The following LPAR1 variants were observed in gnomAD, a reference collection of about 807,000 sequenced individuals.
LPAR1 encodes LPA receptor 1.
LPAR1 carries 5 observed loss-of-function variants against 23.8 expected under a neutral mutation model. The observed-to-expected ratio is 0.21, with a 90% CI of 0.11 to 0.44. The LOEUF is 0.44. Ranked by LOEUF, LPAR1 falls within the 20% of genes least tolerant of loss-of-function variation. The pLI, the probability that LPAR1 is intolerant of heterozygous loss-of-function variation, is 0.99. For synonymous variants in LPAR1, 160 were observed against 164.7 expected (o/e 0.97, Z 0.22); for missense variants, 311 against 482.8 (o/e 0.64, Z 3.33).
intron 2 of LPAR1, among the ~76,000 whole-genome samples, chr9:111,018,997 A>G (rs1016322647): frequency 2.6e-5 from 4 of 152,246 alleles, no homozygotes; most frequent in African/African-American, 9.6e-5. Flanking sequence ...AGTAGAAATA[A>G]AAACACACAT....
chr9:110,999,518 A>C (rs2097089864), intron 2 of LPAR1: 1 of 442,154 alleles, frequency 2.3e-6, no homozygotes, highest in Non-Finnish European at 4.5e-6. Context: ...GCTGCTATGA[A>C]AGCTACCACA....
intron 5 of LPAR1, among the ~76,000 whole-genome samples, chr9:110,934,222 C>T (rs2094554921): frequency 6.6e-6 from 1 of 152,192 alleles, no homozygotes; most frequent in Non-Finnish European, 1.5e-5. Flanking sequence ...GAATAAGAGA[C>T]TCTGTGTCCA....
intron 2 of LPAR1, among the ~76,000 whole-genome samples, chr9:111,018,373 G>C (rs1320766965): frequency 6.6e-6 from 1 of 152,096 alleles, no homozygotes; most frequent in Non-Finnish European, 1.5e-5. Context: ...GCCTTTTAAG[G>C]CAACAAATTA....
chr9:111,002,907 G>A (rs1464318848), intron 2 of LPAR1, among the ~76,000 whole-genome samples: 1 of 152,128 alleles, frequency 6.6e-6, no homozygotes, highest in Non-Finnish European at 1.5e-5. Context: ...GTGGGCCTGA[G>A]GCAGGAGAAT....
intron 5 of LPAR1, among the ~76,000 whole-genome samples, chr9:110,889,754 C>T (rs1201840084): frequency 2.0e-5 from 3 of 152,196 alleles, no homozygotes; most frequent in African/African-American, 7.2e-5. Flanking sequence ...AAAATAATCA[C>T]TATTGGTTCT....
At chr9:110,900,614 G>A (rs1385170562) in intron 5 of LPAR1, among the ~76,000 whole-genome samples, 1 of 152,062 alleles carries the variant, frequency 6.6e-6, no homozygotes, top group African/African-American at 2.4e-5. Context: ...TACTTTTAAT[G>A]TTACAGTTTC....
chr9:110,886,348 G>A (rs897108508), intron 5 of LPAR1, among the ~76,000 whole-genome samples: 1 of 106,738 alleles, frequency 9.4e-6, no homozygotes. Context: ...TGGGCAACAA[G>A]AGCGAAACTC....
chr9:111,035,817 C>A (rs2097882987), intron 2 of LPAR1, among the ~76,000 whole-genome samples: 1 of 152,178 alleles, frequency 6.6e-6, no homozygotes, highest in Non-Finnish European at 1.5e-5. Flanking sequence ...ATACTTGGAG[C>A]TTCCCAGTGA....
At chr9:111,022,528 T>A (rs191466645) in intron 2 of LPAR1, among the ~76,000 whole-genome samples, 1 of 152,270 alleles carries the variant, frequency 6.6e-6, no homozygotes, top group East Asian at 1.9e-4. Context: ...GCAGTAATAA[T>A]TCTTACCATT....
intron 2 of LPAR1, among the ~76,000 whole-genome samples, chr9:111,015,707 C>T (rs949570317): frequency 3.9e-5 from 6 of 151,990 alleles, no homozygotes; most frequent in Non-Finnish European, 5.9e-5. Context: ...AAATTTCAAA[C>T]GTCTCACCAT....
chr9:110,961,637 A>C (rs868634727), intron 4 of LPAR1, among the ~76,000 whole-genome samples: 1 of 145,070 alleles, frequency 6.9e-6, no homozygotes, highest in Admixed American at 6.9e-5. Flanking sequence ...AAAAAAAAAA[A>C]AAAGAAAGAA....
At chr9:111,007,267 T>C (rs1588827927) in intron 2 of LPAR1, among the ~76,000 whole-genome samples, 1 of 152,200 alleles carries the variant, frequency 6.6e-6, no homozygotes, top group African/African-American at 2.4e-5. Context: ...GGTATTTCTT[T>C]ACAGCAGTAT....
intron 5 of LPAR1, among the ~76,000 whole-genome samples, chr9:110,927,289 T>C (rs1215211553): frequency 2.0e-5 from 3 of 152,002 alleles, no homozygotes; most frequent in Non-Finnish European, 4.4e-5. Flanking sequence ...GCGAAAACAT[T>C]CATAACTTAC....
At chr9:110,917,557 G>C (rs2093280374) in intron 5 of LPAR1, among the ~76,000 whole-genome samples, 1 of 152,114 alleles carries the variant, frequency 6.6e-6, no homozygotes, top group South Asian at 2.1e-4. Context: ...CCTTCACTGA[G>C]AAATGATATG....
chr9:111,011,547 C>G (rs1037179430), intron 2 of LPAR1, among the ~76,000 whole-genome samples: 14 of 152,318 alleles, frequency 9.2e-5, no homozygotes, highest in Middle Eastern at 6.8e-3. Context: ...TCAAATCTTA[C>G]CTGGCCGATG....
At chr9:110,992,558 T>C (rs1035471225) in intron 2 of LPAR1, among the ~76,000 whole-genome samples, 3 of 152,222 alleles carry the variant, frequency 2.0e-5, no homozygotes, top group Non-Finnish European at 2.9e-5. Flanking sequence ...TAGTTTTATC[T>C]GTAAATAGCC....
At chr9:111,025,768 T>C (rs2097679033) in intron 2 of LPAR1, among the ~76,000 whole-genome samples, 1 of 152,248 alleles carries the variant, frequency 6.6e-6, no homozygotes, top group South Asian at 2.1e-4. Flanking sequence ...TACATATGGC[T>C]AGCCAGTTTT....
At chr9:110,898,745 G>T (rs528439271) in intron 5 of LPAR1, among the ~76,000 whole-genome samples, 2 of 152,330 alleles carry the variant, frequency 1.3e-5, no homozygotes, top group African/African-American at 4.8e-5. Context: ...TACAGCCTGA[G>T]AAATCTCTGG....
intron 2 of LPAR1, among the ~76,000 whole-genome samples, chr9:111,029,876 C>T (rs1476130737): frequency 2.0e-5 from 3 of 151,520 alleles, no homozygotes; most frequent in Non-Finnish European, 4.4e-5. Context: ...CACAGTGAAA[C>T]CCCATCTCTA....
Sources: gnomAD v4.1 joint callset for allele counts (sites outside exome capture counted in the v4.1 genomes callset) on GRCh38, gnomAD v4.1.1 for gene constraint, MANE v1.5 for transcripts, NCBI Gene and HGNC (gene_info 2026-07-23, HGNC 2026-07-21) for gene names.